The following MGRN1 variants were observed in gnomAD, a reference collection of about 807,000 sequenced individuals.
MGRN1 encodes E3 ubiquitin-protein ligase MGRN1.
In MGRN1, 29 loss-of-function variants were observed where a neutral mutation model predicts 69.2. The ratio of observed to expected loss-of-function variants is 0.42; its 90% CI spans 0.31 to 0.57. The LOEUF (loss-of-function observed/expected upper bound fraction) is 0.57, where lower values mean the gene tolerates loss of function less well. MGRN1 is among the 20% of genes least tolerant of loss of function. The pLI is 0.15. For synonymous variants in MGRN1, 470 were observed against 344.2 expected, an observed-to-expected ratio of 1.37 and a Z score of -4.04; for missense variants, 998 against 796.2, an observed-to-expected ratio of 1.25 and a Z score of -3.05.
intron 1 of MGRN1, among the ~76,000 whole-genome samples, chr16:4,646,774 T>C (rs1422312947): frequency 6.6e-6 from 1 of 152,202 alleles, no homozygotes; most frequent in African/African-American, 2.4e-5. Flanking sequence ...GCCACCTCGC[T>C]CATCTTCTGC....
chr16:4,682,851 C>T lies in MGRN1; in HGVS notation c.1387C>T (p.His463Tyr), dbSNP rs2079219574. The change falls in exon 14 of 17, where the codon CAC (histidine) becomes TAC (tyrosine). Residue 463 changes from histidine (H) to tyrosine (Y), a missense_variant. Transcript: ENST00000262370. ...CCTACGGTCCCCGTCTTCCCCCATC[C>T]ACGAAGAGGATGAGGAGAAGCTCTC... ...STLRSPSSPI[H>Y]EEDEEKLSED... is the part of the protein sequence containing the mutation. The T allele has an allele frequency of 6.2e-7, 1 of 1,604,920 alleles. No homozygotes were observed. Among genetic ancestry groups the T allele is most frequent in the Non-Finnish European group, 8.5e-7 (1 of 1,173,310 alleles).
chr16:4,660,196 C>G (rs1422067117), intron 5 of MGRN1, among the ~76,000 whole-genome samples: 1 of 152,234 alleles, frequency 6.6e-6, no homozygotes, highest in Non-Finnish European at 1.5e-5. Flanking sequence ...GGCCCACTTT[C>G]GTTCTGCCGC....
At position 4,674,363 on chromosome 16, in the gene MGRN1, A is replaced by G. The variant is rs981734901; in HGVS notation, c.955+706A>G. The stretch of plus-strand genomic sequence containing the variant: ...GAGTGCAGTGTTGCAGTCTCGGCTC[A>G]CTGCAAACTCCGCCTCCCGGGTTTA... On this transcript the variant is annotated intron_variant, in intron 10 of 16. Coordinates refer to ENST00000262370, the MANE Select transcript of MGRN1 (RefSeq NM_015246.4). Among the ~76,000 whole-genome samples the G allele has an allele frequency of 2.0e-5, 3 of 151,622 alleles. No homozygotes were observed. In the East Asian group the frequency reaches 5.8e-4, roughly 29 times the overall value.
intron 16 of MGRN1, chr16:4,688,464 TC>T (rs2079384337): frequency 9.0e-7 from 1 of 1,115,218 alleles, no homozygotes; most frequent in African/African-American, 1.6e-5. Flanking sequence ...GCTGGCCACA[TC>T]CCAGGAAACC....
chr16:4,671,352 A>G lies in MGRN1; in HGVS notation c.727-39A>G, dbSNP rs115873109. ...GGGTATGGAGGAGCCCTCATATGGC[A>G]GTTGGCGAGGGCCCAGTGAGCCCCT... On this transcript the variant is annotated intron_variant, in intron 8 of 16. Transcript: ENST00000262370. 1,375 of 1,603,372 alleles carry G rather than the reference A, an allele frequency of 8.6e-4. 10 individuals carry two copies. In the African/African-American group the frequency reaches 0.017, roughly 19 times the overall value.
intron 5 of MGRN1, 22 bp from the exon 6 acceptor site, chr16:4,664,687 T>A: frequency 1.2e-6 from 2 of 1,614,090 alleles, no homozygotes; most frequent in Non-Finnish European, 1.7e-6. Flanking sequence ...GTCCTGACCA[T>A]TCTTGGCAAC....
At chr16:4,626,826 A>G (rs979301322) in intron 1 of MGRN1, among the ~76,000 whole-genome samples, 7 of 152,278 alleles carry the variant, frequency 4.6e-5, no homozygotes, top group African/African-American at 1.7e-4. Context: ...GTCAGCCACT[A>G]TTGGTTGGCA....
intron 10 of MGRN1, among the ~76,000 whole-genome samples, chr16:4,676,573 G>T (rs920048807): frequency 3.9e-5 from 6 of 152,212 alleles, no homozygotes; most frequent in Admixed American, 3.9e-4. Flanking sequence ...AGAGACTGCT[G>T]TTCTCAGTAG....
rs113355878 is a variant in MGRN1 at position 4,650,524 on chromosome 16, G to A, written c.207+41G>A. ...GCTGTCTCATGGGGCTGTGGGGGTGGGAGGCCCCTGTCCCCAGCAGTCCGC... is the reference window on the plus strand; with the variant it reads ...GCTGTCTCATGGGGCTGTGGGGGTGAGAGGCCCCTGTCCCCAGCAGTCCGC... On this transcript the variant is annotated intron_variant, in intron 2 of 16. Transcript: ENST00000262370. The A allele has an allele frequency of 8.6e-3, 12,730 of 1,482,338 alleles. 865 individuals carry two copies. In the African/African-American group the frequency reaches 0.15, roughly 17 times the overall value. 91.8% of individuals were successfully genotyped at this position (1,482,338 alleles called of 1,614,324 possible).
At chr16:4,643,492 C>T (rs893915002) in intron 1 of MGRN1, among the ~76,000 whole-genome samples, 8 of 151,526 alleles carry the variant, frequency 5.3e-5, no homozygotes, top group African/African-American at 1.9e-4. Flanking sequence ...GCCTCAGCCC[C>T]TCCCAAGTAC....
rs748797936 is a variant in MGRN1 at position 4,687,836 on chromosome 16, C to T, written c.1619-960C>T. 882 of 985,484 alleles carry T rather than the reference C, an allele frequency of 8.9e-4. 4 individuals carry two copies. Among genetic ancestry groups the T allele is most frequent in the Admixed American group, 1.0e-3 (17 of 16,284 alleles). The allele number at this position is 985,484 out of a possible 1,614,324, so 61.0% of individuals were successfully genotyped here. Reference sequence around the variant, plus strand: ...TCAGGGAGAACTTCGCTTCTTTTGACTGCGCTCTGCATTCCCATGAACCTC... The same window carrying T: ...TCAGGGAGAACTTCGCTTCTTTTGATTGCGCTCTGCATTCCCATGAACCTC... On this transcript the variant is annotated intron_variant, in intron 16 of 16. Coordinates refer to ENST00000262370, the MANE Select transcript of MGRN1 (RefSeq NM_015246.4).
chr16:4,679,450 C>A (rs1021581454), intron 11 of MGRN1, among the ~76,000 whole-genome samples: 2 of 152,152 alleles, frequency 1.3e-5, no homozygotes, highest in African/African-American at 4.8e-5. Context: ...AGCAAACGCT[C>A]CTCCTCACCT....
intron 4 of MGRN1, among the ~76,000 whole-genome samples, chr16:4,656,766 G>C (rs2078549242): frequency 6.6e-6 from 1 of 152,064 alleles, no homozygotes; most frequent in South Asian, 2.1e-4. Context: ...TGTAATCCTA[G>C]CTACTTGGGA....
At chr16:4,630,172 T>C (rs1897925952) in intron 1 of MGRN1, among the ~76,000 whole-genome samples, 1 of 150,340 alleles carries the variant, frequency 6.7e-6, no homozygotes, top group Admixed American at 6.6e-5. Flanking sequence ...GGCAACATGG[T>C]GAAACTCCAT....
chr16:4,661,568 T>C (rs1330772142), intron 5 of MGRN1, among the ~76,000 whole-genome samples: 1 of 152,204 alleles, frequency 6.6e-6, no homozygotes, highest in Non-Finnish European at 1.5e-5. Flanking sequence ...AGTGAATGGG[T>C]GAGGAGCTAG....
chr16:4,651,542 G>A (rs2078406504), intron 2 of MGRN1, among the ~76,000 whole-genome samples: 1 of 152,166 alleles, frequency 6.6e-6, no homozygotes, highest in Non-Finnish European at 1.5e-5. Flanking sequence ...GGGGACAGGA[G>A]GCCGGAAGAG....
rs778775257 is a variant in MGRN1, at chr16:4,652,660, C to G, written c.297-18C>G. ...GGGGCCGCTGACCCGCTGCCTTTCT[C>G]TCCACCGCCTGGGGTAGGTACAAAG... On this transcript the variant is annotated intron_variant, in intron 3 of 16. Transcript: ENST00000262370. 1 of 1,596,088 alleles carries G rather than the reference C, an allele frequency of 6.3e-7. No individual in the cohort carries two copies. Among genetic ancestry groups the G allele is most frequent in the Admixed American group, 1.7e-5 (1 of 58,254 alleles).
At chr16:4,673,262 C>G (rs2078981213) in intron 9 of MGRN1, among the ~76,000 whole-genome samples, 1 of 152,176 alleles carries the variant, frequency 6.6e-6, no homozygotes, top group Non-Finnish European at 1.5e-5. Context: ...ACCATGTTCT[C>G]ATGATTTGGG....
chr16:4,651,958 C>T lies in MGRN1; in HGVS notation c.208-5C>T, dbSNP rs770194569. 1 of 1,613,924 alleles carries T rather than the reference C, an allele frequency of 6.2e-7. No individual in the cohort carries two copies. Among genetic ancestry groups the T allele is most frequent in the Non-Finnish European group, 8.5e-7 (1 of 1,179,882 alleles). On this transcript the variant is annotated splice_region_variant and splice_polypyrimidine_tract_variant and intron_variant, in intron 2 of 16. Coordinates refer to ENST00000262370, the MANE Select transcript of MGRN1 (RefSeq NM_015246.4). Reference sequence around the variant, plus strand: ...TCACCTGGGGCCCTGTGGTTTTTCTCCTAGTTTCCCTACGTCACTCCTGCC... The same window carrying T: ...TCACCTGGGGCCCTGTGGTTTTTCTTCTAGTTTCCCTACGTCACTCCTGCC...
Sources: gnomAD v4.1 joint callset for allele counts (sites outside exome capture counted in the v4.1 genomes callset) on GRCh38, gnomAD v4.1.1 for gene constraint, MANE v1.5 for transcripts, NCBI Gene and HGNC (gene_info 2026-07-23, HGNC 2026-07-21) for gene names.